Variants in DPP10 observed in about 807,000 individuals in gnomAD.
DPP10 encodes dipeptidyl peptidase like 10, also known as inactive dipeptidyl peptidase 10.
A neutral mutation model predicts 120.9 loss-of-function variants in DPP10; 33 were observed. The observed-to-expected ratio is 0.27, with a 90% CI of 0.21 to 0.37. The LOEUF (loss-of-function observed/expected upper bound fraction) is 0.37. DPP10 is among the 10% of genes least tolerant of loss of function. The probability of loss-of-function intolerance (pLI) is 1.00; values close to 1 mark genes in which losing one functional copy is unlikely to be tolerated. For synonymous variants in DPP10, 337 were observed against 326.1 expected, an observed-to-expected ratio of 1.03 and a Z score of -0.36; for missense variants, 816 against 942.8, an observed-to-expected ratio of 0.87 and a Z score of 1.76.
chr2:115,429,693 G>A (rs908752658), intron 3 of DPP10, among the ~76,000 whole-genome samples: 9 of 151,834 alleles, frequency 5.9e-5, no homozygotes, highest in African/African-American at 1.7e-4. Flanking sequence ...TAGAACCTTC[G>A]TTTGGTTCAC....
At chr2:114,840,490 A>C (rs1265813824) in intron 1 of DPP10, among the ~76,000 whole-genome samples, 1 of 152,132 alleles carries the variant, frequency 6.6e-6, no homozygotes, top group Non-Finnish European at 1.5e-5. Context: ...GCGAACTAAA[A>C]AGACCTCGAA....
chr2:114,891,933 A>ATGTCTGTCTGTCTGTCTGTC (rs140250017), intron 1 of DPP10, among the ~76,000 whole-genome samples: 1 of 151,968 alleles, frequency 6.6e-6, no homozygotes, highest in East Asian at 1.9e-4. Flanking sequence ...CATGCTGAGG[A>ATGTCTGTCTGTCTGTCTGTC]TGTCTGTCTG....
intron 1 of DPP10, among the ~76,000 whole-genome samples, chr2:114,631,900 G>C (rs969363409): frequency 2.6e-5 from 4 of 151,932 alleles, no homozygotes; most frequent in Admixed American, 6.6e-5. Context: ...TATCTAATCT[G>C]GTTCTAATTA....
chr2:114,760,863 ACT>A (rs1452251719), intron 1 of DPP10, among the ~76,000 whole-genome samples: 2 of 151,968 alleles, frequency 1.3e-5, no homozygotes, highest in Admixed American at 6.6e-5. Context: ...TAGTCAAGAA[ACT>A]CTCTGAAAGT....
intron 3 of DPP10, among the ~76,000 whole-genome samples, chr2:115,466,537 C>A (rs966980253): frequency 6.6e-6 from 1 of 152,020 alleles, no homozygotes; most frequent in African/African-American, 2.4e-5. Context: ...GAGTATTCTA[C>A]AATAAATTAA....
chr2:114,936,412 C>CAT (rs1696477553), intron 1 of DPP10, among the ~76,000 whole-genome samples: 1 of 151,082 alleles, frequency 6.6e-6, no homozygotes, highest in East Asian at 2.0e-4. Flanking sequence ...CACATATATA[C>CAT]ATATATATGT....
chr2:114,748,368 T>G (rs1678826071), intron 1 of DPP10, among the ~76,000 whole-genome samples: 1 of 129,006 alleles, frequency 7.8e-6, no homozygotes, highest in Non-Finnish European at 1.6e-5. Flanking sequence ...TTTATTTTAT[T>G]TATTTATTTA....
chr2:114,459,910 A>G (rs1226767620), intron 1 of DPP10, among the ~76,000 whole-genome samples: 2 of 152,138 alleles, frequency 1.3e-5, no homozygotes, highest in Non-Finnish European at 2.9e-5. Context: ...CTTGGCTGCT[A>G]TGGTCCGTGT....
At chr2:114,896,946 G>A (rs1400050102) in intron 1 of DPP10, among the ~76,000 whole-genome samples, 3 of 152,094 alleles carry the variant, frequency 2.0e-5, no homozygotes, top group South Asian at 4.1e-4. Flanking sequence ...TTAGCATGAA[G>A]CGTTGTTGAA....
chr2:115,731,618 T>G (rs1351894003), intron 8 of DPP10, among the ~76,000 whole-genome samples: 2 of 152,200 alleles, frequency 1.3e-5, no homozygotes, highest in Non-Finnish European at 2.9e-5. Flanking sequence ...AGCCAACATT[T>G]GAATGTGTGT....
chr2:115,603,560 GTTTTTTT>G (rs10637786), intron 5 of DPP10, among the ~76,000 whole-genome samples: 1 of 126,428 alleles, frequency 7.9e-6, no homozygotes. Context: ...CGTTGTTGTT[GTTTTTTT>G]TTGTTTTTTT....
At chr2:115,385,145 A>T (rs750031521) in intron 3 of DPP10, among the ~76,000 whole-genome samples, 2 of 152,134 alleles carry the variant, frequency 1.3e-5, no homozygotes, top group Non-Finnish European at 2.9e-5. Flanking sequence ...TTTATCAGCA[A>T]CATGAAAACG....
intron 11 of DPP10, among the ~76,000 whole-genome samples, chr2:115,756,830 G>C (rs891408814): frequency 1.3e-5 from 2 of 152,038 alleles, no homozygotes; most frequent in Non-Finnish European, 2.9e-5. Flanking sequence ...TTGGCATCTG[G>C]TGAGGGACTT....
intron 5 of DPP10, among the ~76,000 whole-genome samples, chr2:115,640,734 A>G (rs2086712909): frequency 6.6e-6 from 1 of 152,166 alleles, no homozygotes; most frequent in Admixed American, 6.6e-5. Flanking sequence ...GGGAAGCTTT[A>G]CGAGATTATT....
At chr2:115,399,275 G>T (rs1181032886) in intron 3 of DPP10, among the ~76,000 whole-genome samples, 2 of 152,232 alleles carry the variant, frequency 1.3e-5, no homozygotes, top group Non-Finnish European at 2.9e-5. Flanking sequence ...CAAAAGAGAA[G>T]TATTGGGTGG....
intron 4 of DPP10, among the ~76,000 whole-genome samples, chr2:115,515,638 C>A (rs1488499434): frequency 6.6e-6 from 1 of 151,928 alleles, no homozygotes; most frequent in African/African-American, 2.4e-5. Flanking sequence ...TCTGTAAAGT[C>A]CACTGAAAGG....
At chr2:114,986,591 A>G (rs796831982) in intron 1 of DPP10, among the ~76,000 whole-genome samples, 11 of 152,340 alleles carry the variant, frequency 7.2e-5, no homozygotes, top group African/African-American at 2.6e-4. Context: ...CATTTATTTA[A>G]TGAACATGAA....
At chr2:114,602,679 CT>C (rs981464960) in intron 1 of DPP10, among the ~76,000 whole-genome samples, 1 of 151,972 alleles carries the variant, frequency 6.6e-6, no homozygotes, top group South Asian at 2.1e-4. Context: ...GCAACTTTCA[CT>C]TTTACACACA....
At chr2:115,229,503 G>T (rs1186365420) in intron 1 of DPP10, among the ~76,000 whole-genome samples, 1 of 151,968 alleles carries the variant, frequency 6.6e-6, no homozygotes, top group Non-Finnish European at 1.5e-5. Flanking sequence ...TTGTACAGTA[G>T]TTTCATAGTT....
Sources: gnomAD v4.1 joint callset for allele counts (sites outside exome capture counted in the v4.1 genomes callset) on GRCh38, gnomAD v4.1.1 for gene constraint, MANE v1.5 for transcripts, NCBI Gene and HGNC (gene_info 2026-07-23, HGNC 2026-07-21) for gene names.